Variants in DUSP16 observed in about 807,000 individuals in gnomAD.
The protein encoded by DUSP16 is dual specificity protein phosphatase 16.
A neutral mutation model predicts 58.3 loss-of-function variants in DUSP16; 21 were observed. That is an observed-to-expected ratio of 0.36 (90% CI 0.26 to 0.52). DUSP16 has a LOEUF of 0.52. Among genes scored for constraint, DUSP16 ranks in the 20% least tolerant of loss-of-function variants. DUSP16 has a pLI of 0.94. For synonymous variants in DUSP16, 320 were observed against 323.8 expected, an observed-to-expected ratio of 0.99 and a Z score of 0.12; for missense variants, 726 against 819.0, an observed-to-expected ratio of 0.89 and a Z score of 1.39.
intron 1 of DUSP16, among the ~76,000 whole-genome samples, chr12:12,541,527 A>T (rs566066863): frequency 6.6e-6 from 1 of 152,346 alleles, no homozygotes; most frequent in Admixed American, 6.5e-5. Context: ...GGTAAATGGC[A>T]TAAATTCTCA....
chr12:12,548,820 T>TA (rs1944686443), intron 1 of DUSP16, among the ~76,000 whole-genome samples: 1 of 152,032 alleles, frequency 6.6e-6, no homozygotes, highest in Non-Finnish European at 1.5e-5. Flanking sequence ...ATACTGCTCT[T>TA]AGAGTAAGCA....
chr12:12,491,476 TAA>T (rs1362937887), intron 4 of DUSP16: 1 of 152,214 alleles, frequency 6.6e-6, no homozygotes, highest in Non-Finnish European at 1.5e-5. Flanking sequence ...TACTAAATTA[TAA>T]AAAGATATTT....
chr12:12,486,187 T>C lies in DUSP16; in HGVS notation c.691+841A>G, dbSNP rs981981278. ...TTATGGATTAGGGTGCTCCAACTTATGTAACTGGGGGAAAAAAAATTCCTT... is the reference window on the plus strand; with the variant it reads ...TTATGGATTAGGGTGCTCCAACTTACGTAACTGGGGGAAAAAAAATTCCTT... On this transcript the variant is annotated intron_variant, in intron 5 of 6. Coordinates refer to ENST00000298573, the MANE Select transcript of DUSP16 (RefSeq NM_030640.3). 3.9e-5 allele frequency among the ~76,000 whole-genome samples: 6 copies of C among 152,266 alleles called. No homozygotes were observed. The South Asian group carries it at 1.2e-3, about 32-fold the overall frequency.
chr12:12,518,435 C>T (rs1049885557), intron 3 of DUSP16, among the ~76,000 whole-genome samples: 1 of 151,888 alleles, frequency 6.6e-6, no homozygotes, highest in African/African-American at 2.4e-5. Context: ...ATCGCTTGAA[C>T]CTGGGAAGCA....
At chr12:12,556,497 C>G (rs1233067607) in intron 1 of DUSP16, among the ~76,000 whole-genome samples, 2 of 151,978 alleles carry the variant, frequency 1.3e-5, no homozygotes, top group Non-Finnish European at 2.9e-5. Context: ...ACTGCTTGAG[C>G]CCAGGAGTTT....
intron 3 of DUSP16, among the ~76,000 whole-genome samples, chr12:12,518,694 A>C (rs1266827157): frequency 1.3e-5 from 2 of 152,226 alleles, no homozygotes; most frequent in Admixed American, 1.3e-4. Flanking sequence ...GAATGTGTCT[A>C]TCAACAGAGA....
chr12:12,493,835 C>G (rs151296968), intron 4 of DUSP16, among the ~76,000 whole-genome samples: 47 of 152,358 alleles, frequency 3.1e-4, no homozygotes, highest in African/African-American at 1.1e-3. Flanking sequence ...CCCCAGCCCT[C>G]TTACCCTGTT....
chr12:12,552,884 G>A (rs1460643962), intron 1 of DUSP16, among the ~76,000 whole-genome samples: 3 of 151,976 alleles, frequency 2.0e-5, no homozygotes, highest in Non-Finnish European at 4.4e-5. Context: ...GGGTTCAAGC[G>A]ATTCTCGTGC....
At chr12:12,509,938 G>GA (rs144696056) in intron 3 of DUSP16, among the ~76,000 whole-genome samples, 12 of 151,918 alleles carry the variant, frequency 7.9e-5, no homozygotes, top group African/African-American at 2.2e-4. Flanking sequence ...CACAGGGCAA[G>GA]AAAAAAACAT....
intron 1 of DUSP16, among the ~76,000 whole-genome samples, chr12:12,559,516 C>A (rs567087608): frequency 9.8e-5 from 15 of 152,300 alleles, no homozygotes; most frequent in African/African-American, 3.6e-4. Context: ...TTTAAAAACA[C>A]TGAATGTCCA....
In DUSP16 at chr12:12,486,594, T is replaced by G. The variant is rs188491338; in HGVS notation, c.691+434A>C. Among the ~76,000 whole-genome samples, 91 of 151,608 alleles carry G rather than the reference T, an allele frequency of 6.0e-4. 1 individual carries two copies. The East Asian group carries it at 0.014, about 24-fold the overall frequency. On this transcript the variant is annotated intron_variant, in intron 5 of 6. Coordinates refer to ENST00000298573, the MANE Select transcript of DUSP16 (RefSeq NM_030640.3). ...GGCTCAGAAACACTGACATAAAGACTTAAATGTAATGGGATTTGTTTTCAA... is the reference window on the plus strand; with the variant it reads ...GGCTCAGAAACACTGACATAAAGACGTAAATGTAATGGGATTTGTTTTCAA...
At chr12:12,505,639 G>A (rs1226609669) in intron 3 of DUSP16, among the ~76,000 whole-genome samples, 1 of 152,100 alleles carries the variant, frequency 6.6e-6, no homozygotes, top group Non-Finnish European at 1.5e-5. Context: ...GCTGTTCGAG[G>A]TCCAGTTCTA....
intron 4 of DUSP16, among the ~76,000 whole-genome samples, chr12:12,498,976 G>A (rs1245636133): frequency 6.6e-6 from 1 of 152,088 alleles, no homozygotes; most frequent in African/African-American, 2.4e-5. Context: ...GTTAAAAAAA[G>A]AAAACTACTA....
At position 12,477,527 on chromosome 12, in the gene DUSP16, G is replaced by A. The variant is rs907275967; in HGVS notation, c.1304C>T (p.Thr435Ile). ...GCATAGCTTGTTGGTCCCATCCAGAGTAGTGGAAGGTTTGTAGTATTCCAA... is the reference window on the plus strand; with the variant it reads ...GCATAGCTTGTTGGTCCCATCCAGAATAGTGGAAGGTTTGTAGTATTCCAA... ...DALEYYKPST[T>I]LDGTNKLCQF... The change falls in exon 7 of 7, where the codon ACT becomes ATT. Residue 435 changes from threonine to isoleucine, a missense_variant. Coordinates refer to ENST00000298573, the MANE Select transcript of DUSP16 (RefSeq NM_030640.3). This position sits in a 1 kb window ranked among gnomAD's most constrained non-coding sequence, Gnocchi z 4.1. 3 of 1,605,914 alleles carry A rather than the reference G, an allele frequency of 1.9e-6. No homozygotes were observed. The highest frequency in any genetic ancestry group is 1.7e-6 in the Non-Finnish European group (2 of 1,175,082).
chr12:12,510,038 T>C (rs10845567), intron 3 of DUSP16, among the ~76,000 whole-genome samples: 67,710 of 151,946 alleles, frequency 0.45, 15,840 homozygotes, highest in East Asian at 0.7. Flanking sequence ...ATGATTCTGC[T>C]GTATCCACAG....
At chr12:12,502,305 C>T (rs1943921332) in intron 3 of DUSP16, among the ~76,000 whole-genome samples, 1 of 152,176 alleles carries the variant, frequency 6.6e-6, no homozygotes, top group African/African-American at 2.4e-5. Flanking sequence ...CTCAATGCAA[C>T]AAGTTAGAAT....
At chr12:12,494,482 C>T (rs775910423) in intron 4 of DUSP16, among the ~76,000 whole-genome samples, 134 of 152,036 alleles carry the variant, frequency 8.8e-4, no homozygotes, top group Non-Finnish European at 1.6e-3. Context: ...AATGATGATA[C>T]AAAGAGGTAT....
chr12:12,500,714 T>G (rs1943896278), intron 3 of DUSP16, 32 bp from the exon 4 acceptor site: 1 of 1,494,238 alleles, frequency 6.7e-7, no homozygotes, highest in East Asian at 2.5e-5. Context: ...TTATAAAAAA[T>G]TATGCCACGC....
chr12:12,539,506 T>C (rs75227760), intron 1 of DUSP16, among the ~76,000 whole-genome samples: 1 of 152,032 alleles, frequency 6.6e-6, no homozygotes, highest in Non-Finnish European at 1.5e-5. Context: ...TTGGGAGAGA[T>C]AGAGTTCAGT....
Sources: gnomAD v4.1 joint callset for allele counts (sites outside exome capture counted in the v4.1 genomes callset) on GRCh38, gnomAD v4.1.1 for gene constraint, Gnocchi (gnomAD v3.1) non-coding constraint, MANE v1.5 for transcripts, NCBI Gene and HGNC (gene_info 2026-07-23, HGNC 2026-07-21) for gene names.